GOLPH3L: variants seen among roughly 807,000 people sequenced by gnomAD.
GOLPH3L encodes golgi phosphoprotein 3 like.
In GOLPH3L, 22 loss-of-function variants were observed where a neutral mutation model predicts 30.3. The ratio of observed to expected loss-of-function variants is 0.73; its 90% CI spans 0.52 to 1.04. The LOEUF (loss-of-function observed/expected upper bound fraction) is 1.04, where lower values mean the gene tolerates loss of function less well. Ranked by LOEUF, GOLPH3L falls within the 50% of genes least tolerant of loss-of-function variation. GOLPH3L has a pLI of 0.00. For synonymous variants in GOLPH3L, 120 were observed against 128.2 expected (o/e 0.94, Z 0.43); for missense variants, 303 against 345.8 (o/e 0.88, Z 0.98).
intron 2 of GOLPH3L, among the ~76,000 whole-genome samples, chr1:150,693,780 T>C (rs1174820901): frequency 7.1e-6 from 1 of 140,916 alleles, no homozygotes; most frequent in Non-Finnish European, 1.5e-5. Context: ...ATTAAAATAA[T>C]CCTCAATTGT....
intron 4 of GOLPH3L, among the ~76,000 whole-genome samples, chr1:150,656,217 T>G (rs1650236981): frequency 6.6e-6 from 1 of 152,182 alleles, no homozygotes; most frequent in South Asian, 2.1e-4. Flanking sequence ...TAATTACAGC[T>G]CCTGACAAAA....
chr1:150,648,647 G>C lies in GOLPH3L; in HGVS notation c.532C>G (p.Gln178Glu), dbSNP rs1650037603. ...GTCATGTCAAATAGCAGGAAATTCT[G>C]CTTCTCAGTGGTTAGAATACCTTTC... is the stretch of plus-strand genomic sequence containing the variant. ...VEKGILTTEK[Q>E]NFLLFDMTTH... Residue 178 changes from glutamine (Q) to glutamate (E), a missense_variant, in exon 5 of 5, where the codon CAG (glutamine) becomes GAG (glutamate). By Grantham distance (29) the Gln-to-Glu change is conservative (BLOSUM62 2). Transcript: ENST00000271732. The C allele has an allele frequency of 6.2e-7, 1 of 1,612,930 alleles. No individual in the cohort carries two copies. The highest frequency in any genetic ancestry group is 8.5e-7 in the Non-Finnish European group (1 of 1,179,090).
intron 2 of GOLPH3L, among the ~76,000 whole-genome samples, chr1:150,673,805 G>T (rs1010473208): frequency 2.0e-5 from 3 of 147,666 alleles, no homozygotes; most frequent in African/African-American, 7.5e-5. Context: ...GCGTCTGTGG[G>T]TCCCAGCTAC....
chr1:150,688,294 A>G (rs1193809610), intron 2 of GOLPH3L, among the ~76,000 whole-genome samples: 2 of 152,252 alleles, frequency 1.3e-5, no homozygotes, highest in South Asian at 2.1e-4. Flanking sequence ...CTCATACTTC[A>G]GTTTTAAAAC....
At chr1:150,663,227 A>G (rs2101789525) in intron 3 of GOLPH3L, among the ~76,000 whole-genome samples, 1 of 152,114 alleles carries the variant, frequency 6.6e-6, no homozygotes, top group East Asian at 1.9e-4. Context: ...TTTCTCGTAG[A>G]GATGGGATTT....
At chr1:150,669,546 C>T (rs928943740) in intron 2 of GOLPH3L, among the ~76,000 whole-genome samples, 1 of 152,120 alleles carries the variant, frequency 6.6e-6, no homozygotes, top group Non-Finnish European at 1.5e-5. Flanking sequence ...ATCTCATTAC[C>T]AAAGGCTATC....
At chr1:150,686,732 C>T (rs1454645147) in intron 2 of GOLPH3L, among the ~76,000 whole-genome samples, 1 of 152,124 alleles carries the variant, frequency 6.6e-6, no homozygotes, top group Non-Finnish European at 1.5e-5. Flanking sequence ...TTCAAGTGGG[C>T]AGCTTTGTCT....
chr1:150,671,909 T>C (rs1379571575), intron 2 of GOLPH3L, among the ~76,000 whole-genome samples: 2 of 151,740 alleles, frequency 1.3e-5, no homozygotes, highest in African/African-American at 4.8e-5. Context: ...TAGAAAATAC[T>C]TGTGATAAAG....
At chr1:150,682,221 T>G (rs1443777027) in intron 2 of GOLPH3L, among the ~76,000 whole-genome samples, 1 of 152,152 alleles carries the variant, frequency 6.6e-6, no homozygotes, top group Non-Finnish European at 1.5e-5. Context: ...AGGTATAATT[T>G]ACATAGAGTG....
Position 150,648,611 on chromosome 1 carries a change from C to T in GOLPH3L, c.568G>A (p.Val190Met), listed in dbSNP as rs759277204. The part of the protein sequence containing the change: ...FLLFDMTTHP[V>M]TNTTEKQRLV... ...CGCTGTTTCTCTGTTGTATTGGTCA[C>T]TGGATGAGTAGTCATGTCAAATAGC... The change falls in exon 5 of 5, where the codon GTG becomes ATG. Residue 190 changes from valine (V) to methionine (M), a missense_variant. Physicochemically the swap from Val to Met is conservative, Grantham distance 21 (BLOSUM62 1). Transcript: ENST00000271732. The T allele has an allele frequency of 5.6e-6, 9 of 1,613,894 alleles. No individual in the cohort carries two copies. Among genetic ancestry groups the T allele is most frequent in the Admixed American group, 5.0e-5 (3 of 59,984 alleles).
chr1:150,681,530 A>C (rs1650947306), intron 2 of GOLPH3L, among the ~76,000 whole-genome samples: 1 of 152,164 alleles, frequency 6.6e-6, no homozygotes, highest in African/African-American at 2.4e-5. Flanking sequence ...AAGCAGCGAG[A>C]AATAAGGTTA....
intron 2 of GOLPH3L, among the ~76,000 whole-genome samples, chr1:150,672,650 C>T (rs934310523): frequency 4.6e-5 from 7 of 152,072 alleles, no homozygotes; most frequent in African/African-American, 1.2e-4. Flanking sequence ...AGGCTGGTCT[C>T]GAACTCCTGA....
At chr1:150,668,284 C>G (rs587598873) in intron 2 of GOLPH3L, among the ~76,000 whole-genome samples, 1 of 152,310 alleles carries the variant, frequency 6.6e-6, no homozygotes, top group South Asian at 2.1e-4. Context: ...ATTCCTTAGA[C>G]ATCTCCAAAT....
chr1:150,683,043 T>C (rs1394350647), intron 2 of GOLPH3L, among the ~76,000 whole-genome samples: 2 of 152,194 alleles, frequency 1.3e-5, no homozygotes, highest in Non-Finnish European at 2.9e-5. Context: ...TATGCTTCTG[T>C]AGGAAGATAA....
intron 4 of GOLPH3L, among the ~76,000 whole-genome samples, chr1:150,651,722 C>T (rs1008515794): frequency 6.8e-6 from 1 of 146,934 alleles, no homozygotes; most frequent in African/African-American, 2.5e-5. Context: ...TCTGAGCTGG[C>T]AAAATAAAGA....
chr1:150,683,020 TCTATCAAATCCC>T (rs1404034606), intron 2 of GOLPH3L, among the ~76,000 whole-genome samples: 7 of 152,212 alleles, frequency 4.6e-5, no homozygotes, highest in Admixed American at 3.3e-4. Context: ...TCTTTTCTCC[TCTATCAAATCCC>T]TATGCTTCTG....
chr1:150,683,388 T>G (rs921290728), intron 2 of GOLPH3L, among the ~76,000 whole-genome samples: 1 of 151,586 alleles, frequency 6.6e-6, no homozygotes, highest in Non-Finnish European at 1.5e-5. Context: ...TACAAAAAAT[T>G]AGCTGGGCGT....
intron 2 of GOLPH3L, among the ~76,000 whole-genome samples, chr1:150,680,444 G>A (rs1009840900): frequency 2.0e-5 from 3 of 151,960 alleles, no homozygotes; most frequent in African/African-American, 7.3e-5. Flanking sequence ...GTGAACAATC[G>A]TATTTACTTT....
intron 2 of GOLPH3L, among the ~76,000 whole-genome samples, chr1:150,687,851 T>C (rs1651122966): frequency 6.6e-6 from 1 of 152,204 alleles, no homozygotes; most frequent in Non-Finnish European, 1.5e-5. Flanking sequence ...CTGTTCATAA[T>C]GAACTCTTGA....
Sources: gnomAD v4.1 joint callset for allele counts (sites outside exome capture counted in the v4.1 genomes callset) on GRCh38, gnomAD v4.1.1 for gene constraint, MANE v1.5 for transcripts, NCBI Gene and HGNC (gene_info 2026-07-23, HGNC 2026-07-21) for gene names.